NEK10: variants seen among roughly 807,000 people sequenced by gnomAD.
NEK10 encodes the protein NIMA related kinase 10.
Under a neutral mutation model 159.8 loss-of-function variants are expected in NEK10, and 122 were observed. That is an observed-to-expected ratio of 0.76 (90% CI 0.66 to 0.89). The LOEUF (loss-of-function observed/expected upper bound fraction) is 0.89, where lower values mean the gene tolerates loss of function less well. Ranked by LOEUF, NEK10 falls within the 40% of genes least tolerant of loss-of-function variation. The probability of loss-of-function intolerance (pLI) is 0.00; values close to 1 mark genes in which losing one functional copy is unlikely to be tolerated. For synonymous variants in NEK10, 466 were observed against 457.1 expected, an observed-to-expected ratio of 1.02 and a Z score of -0.25; for missense variants, 1,342 against 1,323.1, an observed-to-expected ratio of 1.01 and a Z score of -0.22.
At chr3:27,149,704 C>A (rs922329961) in intron 30 of NEK10, among the ~76,000 whole-genome samples, 4 of 152,110 alleles carry the variant, frequency 2.6e-5, no homozygotes, top group Non-Finnish European at 4.4e-5. Flanking sequence ...TGAGACACAA[C>A]AATACTGAGA....
chr3:27,118,637 C>A (rs1559476014), intron 33 of NEK10, among the ~76,000 whole-genome samples: 1 of 152,154 alleles, frequency 6.6e-6, no homozygotes, highest in Non-Finnish European at 1.5e-5. Flanking sequence ...TGTCAACTCA[C>A]CCTCAGGTTT....
chr3:27,157,958 T>C (rs1354873165), intron 30 of NEK10, among the ~76,000 whole-genome samples: 6 of 152,190 alleles, frequency 3.9e-5, no homozygotes, highest in African/African-American at 7.2e-5. Context: ...CAACAAGGCA[T>C]TTTTAATTAT....
intron 5 of NEK10, among the ~76,000 whole-genome samples, chr3:27,340,757 C>T (rs965103100): frequency 5.9e-5 from 9 of 152,060 alleles, no homozygotes; most frequent in Non-Finnish European, 1.3e-4. Context: ...TGTGGGAATG[C>T]AAATTAGTAC....
intron 22 of NEK10, among the ~76,000 whole-genome samples, chr3:27,260,013 C>A (rs902289612): frequency 1.3e-5 from 2 of 152,064 alleles, no homozygotes; most frequent in African/African-American, 4.8e-5. Flanking sequence ...TGATTTGGCT[C>A]TATGTTTTTC....
intron 6 of NEK10, among the ~76,000 whole-genome samples, chr3:27,320,690 T>G (rs997630115): frequency 6.6e-6 from 1 of 152,204 alleles, no homozygotes; most frequent in African/African-American, 2.4e-5. Flanking sequence ...GAAAGCCATT[T>G]CAAGGATGCC....
At chr3:27,305,549 A>G (rs149152136) in intron 11 of NEK10, among the ~76,000 whole-genome samples, 21 of 152,020 alleles carry the variant, frequency 1.4e-4, no homozygotes, top group African/African-American at 4.8e-4. Context: ...AAAACAAAAA[A>G]CAAACCTACT....
At chr3:27,162,175 A>T in intron 30 of NEK10, 2 of 359,864 alleles carry the variant, frequency 5.6e-6, no homozygotes, top group Non-Finnish European at 5.0e-6. Context: ...TTTTGTTTGT[A>T]GGTATGTACT....
chr3:27,228,131 A>G (rs1356740206), intron 23 of NEK10, among the ~76,000 whole-genome samples: 1 of 152,228 alleles, frequency 6.6e-6, no homozygotes, highest in East Asian at 1.9e-4. Flanking sequence ...TTATCTTGCT[A>G]CTAAGAAAAA....
intron 23 of NEK10, among the ~76,000 whole-genome samples, chr3:27,248,587 C>T (rs971222081): frequency 2.0e-5 from 3 of 151,996 alleles, no homozygotes. Context: ...AAAATTTTTT[C>T]AATTTACTTA....
chr3:27,186,216 C>T (rs900908951), intron 26 of NEK10, among the ~76,000 whole-genome samples: 6 of 152,136 alleles, frequency 3.9e-5, no homozygotes, highest in Admixed American at 2.6e-4. Flanking sequence ...AATTATGTTG[C>T]GAAACACATC....
At chr3:27,327,945 AAAC>A (rs1474112064) in intron 5 of NEK10, among the ~76,000 whole-genome samples, 1 of 152,088 alleles carries the variant, frequency 6.6e-6, no homozygotes, top group Non-Finnish European at 1.5e-5. Flanking sequence ...AAAAAAAAAA[AAAC>A]AAGAATATAT....
chr3:27,321,586 T>C (rs1385976129), intron 6 of NEK10, among the ~76,000 whole-genome samples: 12 of 152,168 alleles, frequency 7.9e-5, no homozygotes, highest in Admixed American at 2.6e-4. Flanking sequence ...GGAGGGAGAA[T>C]TGCTTAAACC....
chr3:27,360,553 C>CT (rs1230227615), intron 1 of NEK10, among the ~76,000 whole-genome samples: 3 of 152,278 alleles, frequency 2.0e-5, no homozygotes, highest in South Asian at 4.2e-4. Flanking sequence ...CGCACTTCAC[C>CT]TTCAGGATCT....
intron 21 of NEK10, 22 bp downstream of exon 21, chr3:27,284,818 T>C: frequency 1.3e-6 from 2 of 1,566,826 alleles, no homozygotes; most frequent in Non-Finnish European, 1.8e-6. Flanking sequence ...TTAAGAAAAA[T>C]TTAATGAAGA....
At chr3:27,323,722 T>G (rs1202289532) in intron 5 of NEK10, among the ~76,000 whole-genome samples, 1 of 152,240 alleles carries the variant, frequency 6.6e-6, no homozygotes, top group Non-Finnish European at 1.5e-5. Context: ...CATCAAATGC[T>G]ACAAGTATTC....
intron 22 of NEK10, among the ~76,000 whole-genome samples, chr3:27,270,878 T>TA (rs145384650): frequency 0.23 from 34,437 of 151,186 alleles, 4,232 homozygotes; most frequent in Middle Eastern, 0.37. Context: ...GTACACACTA[T>TA]AAAAAAAAAG....
chr3:27,230,682 C>T (rs1953146443), intron 23 of NEK10, among the ~76,000 whole-genome samples: 2 of 151,732 alleles, frequency 1.3e-5, no homozygotes, highest in East Asian at 3.9e-4. Flanking sequence ...AAAAGATAAT[C>T]CATGCAAAAA....
In NEK10 at chr3:27,181,751, A is replaced by G. The variant is rs1948127231; in HGVS notation, c.2506-6918T>C. 2.6e-5 allele frequency among the ~76,000 whole-genome samples: 4 copies of G among 152,166 alleles called. No homozygotes were observed. The South Asian group carries it at 8.3e-4, about 32-fold the overall frequency. ...TATTTGTCTTCTCTCACTATGAAGGAGGGAGTCTGTGGCTGTTTGGTTCAC... is the reference window on the plus strand; with the variant it reads ...TATTTGTCTTCTCTCACTATGAAGGGGGGAGTCTGTGGCTGTTTGGTTCAC... On this transcript the variant is annotated intron_variant, in intron 26 of 35. Transcript: ENST00000691995.
chr3:27,236,122 G>A (rs1390758454), intron 23 of NEK10, among the ~76,000 whole-genome samples: 1 of 151,982 alleles, frequency 6.6e-6, no homozygotes, highest in African/African-American at 2.4e-5. Flanking sequence ...ACTCATAGAG[G>A]GGGAACAAGG....
Sources: allele counts gnomAD v4.1 joint callset (sites outside exome capture counted in the v4.1 genomes callset), GRCh38; gene constraint gnomAD v4.1.1; transcripts MANE v1.5; gene names NCBI Gene and HGNC (gene_info 2026-07-23, HGNC 2026-07-21).